ELL: variants seen among roughly 807,000 people sequenced by gnomAD.
ELL encodes elongation factor for RNA polymerase II, also known as RNA polymerase II elongation factor ELL.
In ELL, 18 loss-of-function variants were observed where a neutral mutation model predicts 64.0. That is an observed-to-expected ratio of 0.28 (90% CI 0.19 to 0.42). The LOEUF (loss-of-function observed/expected upper bound fraction) is 0.42. Ranked by LOEUF, ELL falls within the 10% of genes least tolerant of loss-of-function variation. The pLI is 1.00. For synonymous variants in ELL, 399 were observed against 376.2 expected (o/e 1.06, Z -0.70); for missense variants, 797 against 870.4 (o/e 0.92, Z 1.06).
intron 1 of ELL, among the ~76,000 whole-genome samples, chr19:18,482,430 G>GCCTCTA (rs1291265173): frequency 2.1e-5 from 3 of 143,386 alleles, no homozygotes; most frequent in African/African-American, 7.8e-5. Context: ...CAATTCTCCT[G>GCCTCTA]CCTCTGCCTC....
intron 1 of ELL, among the ~76,000 whole-genome samples, chr19:18,482,702 AT>A (rs998888663): frequency 1.3e-5 from 2 of 150,818 alleles, no homozygotes; most frequent in African/African-American, 4.9e-5. Flanking sequence ...GAATTTTTCA[AT>A]TTTTTTCTTT....
At chr19:18,516,049 T>G (rs1300086916) in intron 1 of ELL, among the ~76,000 whole-genome samples, 1 of 152,036 alleles carries the variant, frequency 6.6e-6, no homozygotes, top group East Asian at 1.9e-4. Context: ...CAGGCAGGGC[T>G]GGCAAGAAGC....
rs761995049 is a variant in ELL, at chr19:18,443,193, CCCCGG to C, written c.*1554_*1558del. On this transcript the variant is annotated 3_prime_UTR_variant, in exon 12 of 12. Coordinates refer to ENST00000262809, the MANE Select transcript of ELL (RefSeq NM_006532.4). ...GCCTCCTGGAGCCTGCTCGGCCCTT[CCCCGG>C]CCCGGCCCGGCCCAAAGAGAAAAAC... 1.9e-4 allele frequency: 43 copies of C among 231,994 alleles called. No individual in the cohort carries two copies. The highest frequency in any genetic ancestry group is 3.0e-4 in the Non-Finnish European group (35 of 117,158). The allele number at this position is 231,994 out of a possible 1,614,324, so 14.4% of individuals were successfully genotyped here. A position where few individuals can be genotyped will look rare whatever the true frequency, so the allele number is the denominator to read the frequency against.
At chr19:18,503,878 G>A (rs1390688590) in intron 1 of ELL, among the ~76,000 whole-genome samples, 1 of 152,170 alleles carries the variant, frequency 6.6e-6, no homozygotes, top group African/African-American at 2.4e-5. Context: ...CTGGCTAACT[G>A]GAGTCACACG....
chr19:18,463,950 C>A (rs201484438), intron 4 of ELL, among the ~76,000 whole-genome samples: 1 of 150,884 alleles, frequency 6.6e-6, no homozygotes, highest in African/African-American at 2.4e-5. Context: ...CGCGCCACTG[C>A]ACTCCAGCCT....
At chr19:18,491,456 T>C (rs536381433) in intron 1 of ELL, among the ~76,000 whole-genome samples, 57 of 152,068 alleles carry the variant, frequency 3.7e-4, no homozygotes, top group Middle Eastern at 3.4e-3. Context: ...CTCCAACGTA[T>C]GGGTGGGCCT....
chr19:18,472,554 T>C, intron 2 of ELL: 1 of 444,144 alleles, frequency 2.3e-6, no homozygotes. Flanking sequence ...TGGGGGCCCC[T>C]GCCCTATCAG....
intron 1 of ELL, among the ~76,000 whole-genome samples, chr19:18,514,249 G>C (rs900522213): frequency 6.6e-6 from 1 of 151,724 alleles, no homozygotes; most frequent in Non-Finnish European, 1.5e-5. Context: ...ACGGTGGCTC[G>C]CACCTGTTAA....
chr19:18,488,932 G>A (rs1372265831), intron 1 of ELL, among the ~76,000 whole-genome samples: 1 of 152,218 alleles, frequency 6.6e-6, no homozygotes, highest in African/African-American at 2.4e-5. Context: ...CATGCGTCCT[G>A]GACCGGCTGA....
At chr19:18,510,783 G>A (rs935728157) in intron 1 of ELL, among the ~76,000 whole-genome samples, 1 of 152,174 alleles carries the variant, frequency 6.6e-6, no homozygotes, top group Non-Finnish European at 1.5e-5. Flanking sequence ...TGCTGCAGCC[G>A]CTGTGGAAAA....
At chr19:18,481,923 A>T (rs1975306747) in intron 1 of ELL, among the ~76,000 whole-genome samples, 1 of 152,156 alleles carries the variant, frequency 6.6e-6, no homozygotes, top group African/African-American at 2.4e-5. Flanking sequence ...TTAATATGAA[A>T]CTGCCAGGCT....
chr19:18,491,122 G>A (rs951624736), intron 1 of ELL, among the ~76,000 whole-genome samples: 5 of 152,064 alleles, frequency 3.3e-5, no homozygotes, highest in South Asian at 2.1e-4. Flanking sequence ...TTGCTCTGTC[G>A]CCCAGTCTGG....
At chr19:18,492,349 G>T (rs1176648103) in intron 1 of ELL, among the ~76,000 whole-genome samples, 1 of 152,204 alleles carries the variant, frequency 6.6e-6, no homozygotes, top group East Asian at 1.9e-4. Flanking sequence ...CAGCCTAGGG[G>T]TGTCCTTGAA....
intron 6 of ELL, among the ~76,000 whole-genome samples, chr19:18,453,568 G>A (rs2144899027): frequency 6.6e-6 from 1 of 152,056 alleles, no homozygotes; most frequent in South Asian, 2.1e-4. Flanking sequence ...GGGATGACTG[G>A]AATAAAAAAA....
chr19:18,444,095 C>T lies in ELL; in HGVS notation c.*657G>A, dbSNP rs1600414748. The T allele has an allele frequency of 2.2e-5, 5 of 231,052 alleles. No individual in the cohort carries two copies. The South Asian group carries it at 9.1e-4, about 42-fold the overall frequency. The allele number at this position is 231,052 out of a possible 1,614,324, so 14.3% of individuals were successfully genotyped here. ...GGCTCTGAGCAGCTGTCTGGGGGCA[C>T]CAGCTGGAGTTCTCAAAATAGCCAC... On this transcript the variant is annotated 3_prime_UTR_variant, in exon 12 of 12. Coordinates refer to ENST00000262809, the MANE Select transcript of ELL (RefSeq NM_006532.4).
At position 18,450,958 on chromosome 19, in the gene ELL, A is replaced by G; in HGVS notation, c.984T>C (p.Pro328=). ...TGTTGGCTAGGGGGTCGATGAAATC[A>G]GGAGGCTGCAGCCGCTTCTGGAGAG... The part of the protein sequence containing the change: ...ASPPQKRLQP[P]DFIDPLANKK... The change falls in exon 8 of 12, where the codon CCT becomes CCC. Residue 328 remains proline (P), a synonymous_variant. Coordinates refer to ENST00000262809, the MANE Select transcript of ELL (RefSeq NM_006532.4). The G allele has an allele frequency of 6.6e-7, 1 of 1,524,842 alleles. No homozygotes were observed. Among genetic ancestry groups the G allele is most frequent in the Non-Finnish European group, 8.8e-7 (1 of 1,136,272 alleles). The allele number at this position is 1,524,842 out of a possible 1,614,324, so 94.5% of individuals were successfully genotyped here.
Position 18,444,646 on chromosome 19 carries a change from C to T in ELL, c.*106G>A, listed in dbSNP as rs1045559952. 4 of 1,280,088 alleles carry T rather than the reference C, an allele frequency of 3.1e-6. No individual in the cohort carries two copies. In the African/African-American group the frequency reaches 4.5e-5, roughly 14 times the overall value. The allele number at this position is 1,280,088 out of a possible 1,614,324, so 79.3% of individuals were successfully genotyped here. ...GGGGCTGCCCTGAAAGCCGGCGGTG[C>T]TGGCTCAGATGAGCATCTTCCTCGG... On this transcript the variant is annotated 3_prime_UTR_variant, in exon 12 of 12. Transcript: ENST00000262809.
intron 2 of ELL, among the ~76,000 whole-genome samples, chr19:18,467,856 CCCA>C (rs1381890994): frequency 2.1e-5 from 2 of 95,156 alleles, no homozygotes; most frequent in Non-Finnish European, 4.0e-5. Flanking sequence ...CACACAACCC[CCCA>C]CAACCACACA....
At chr19:18,489,025 G>A (rs980072030) in intron 1 of ELL, among the ~76,000 whole-genome samples, 4 of 152,232 alleles carry the variant, frequency 2.6e-5, no homozygotes, top group African/African-American at 9.6e-5. Context: ...CAGGGGGTGT[G>A]GAGGAGCCTT....
Sources: allele counts gnomAD v4.1 joint callset (sites outside exome capture counted in the v4.1 genomes callset), GRCh38; gene constraint gnomAD v4.1.1; transcripts MANE v1.5; gene names NCBI Gene and HGNC (gene_info 2026-07-23, HGNC 2026-07-21).